Variants in DACH1 observed in about 807,000 individuals in gnomAD.
The protein encoded by DACH1 is dachshund family transcription factor 1.
DACH1 carries 12 observed loss-of-function variants against 54.2 expected under a neutral mutation model. That is an observed-to-expected ratio of 0.22 (90% confidence interval 0.14 to 0.36). The LOEUF (loss-of-function observed/expected upper bound fraction) is 0.36. DACH1 is among the 10% of genes least tolerant of loss of function. The pLI is 1.00. For synonymous variants in DACH1, 386 were observed against 366.2 expected (o/e 1.05, Z -0.62); for missense variants, 805 against 929.8 (o/e 0.87, Z 1.75).
intron 1 of DACH1, among the ~76,000 whole-genome samples, chr13:71,727,619 C>A (rs1300357941): frequency 1.3e-5 from 2 of 152,020 alleles, no homozygotes; most frequent in Non-Finnish European, 1.5e-5. Flanking sequence ...TATCAACAAT[C>A]AGCCAATAAA....
chr13:71,862,400 G>A (rs1310690883), intron 1 of DACH1, among the ~76,000 whole-genome samples: 1 of 151,944 alleles, frequency 6.6e-6, no homozygotes, highest in Non-Finnish European at 1.5e-5. Context: ...GACCTCTGTT[G>A]CAACAGCCAA....
At chr13:71,578,589 C>CT (rs1391821689) in intron 3 of DACH1, among the ~76,000 whole-genome samples, 1 of 152,082 alleles carries the variant, frequency 6.6e-6, no homozygotes, top group Non-Finnish European at 1.5e-5. Context: ...TTTTGAATAA[C>CT]TATTTAATCC....
intron 1 of DACH1, among the ~76,000 whole-genome samples, chr13:71,746,873 T>C (rs988664477): frequency 6.6e-6 from 1 of 152,174 alleles, no homozygotes; most frequent in African/African-American, 2.4e-5. Flanking sequence ...TTTTAAGATA[T>C]ACTAAAAATA....
intron 1 of DACH1, among the ~76,000 whole-genome samples, chr13:71,769,724 T>G (rs143485679): frequency 6.6e-6 from 1 of 151,840 alleles, no homozygotes; most frequent in East Asian, 1.9e-4. Flanking sequence ...CAGCATTCGT[T>G]ATTCTAATTT....
chr13:71,620,626 T>C (rs894237374), intron 3 of DACH1, among the ~76,000 whole-genome samples: 5 of 152,006 alleles, frequency 3.3e-5, no homozygotes, highest in Non-Finnish European at 7.4e-5. Context: ...TTTACATTTG[T>C]TTATTAATTT....
rs144644554 is a variant in DACH1 at position 71,777,525 on chromosome 13, A to G, written c.848+88397T>C. Among the ~76,000 whole-genome samples the G allele has an allele frequency of 8.1e-3, 1,235 of 152,214 alleles. 17 individuals carry two copies. Among genetic ancestry groups the G allele is most frequent in the African/African-American group, 0.028 (1,165 of 41,534 alleles). ...ATAAACAAGAATTGTTCTGAACTGC[A>G]TTATCCTAGCTTGCTTTTAACAATC... On this transcript the variant is annotated intron_variant, in intron 1 of 10. Coordinates refer to ENST00000613252, the MANE Select transcript of DACH1 (RefSeq NM_080759.6).
At chr13:71,825,081 T>A (rs1188581763) in intron 1 of DACH1, among the ~76,000 whole-genome samples, 1 of 152,026 alleles carries the variant, frequency 6.6e-6, no homozygotes, top group East Asian at 1.9e-4. Context: ...TTTTCACACA[T>A]ACCAAAATTG....
chr13:71,485,127 G>A (rs912112771), intron 7 of DACH1, among the ~76,000 whole-genome samples: 9 of 151,416 alleles, frequency 5.9e-5, no homozygotes, highest in Non-Finnish European at 1.3e-4. Context: ...GGTAGCTCAT[G>A]TTTGACGGTG....
At chr13:71,799,362 G>T (rs1887193603) in intron 1 of DACH1, among the ~76,000 whole-genome samples, 2 of 151,900 alleles carry the variant, frequency 1.3e-5, no homozygotes, top group African/African-American at 4.8e-5. Flanking sequence ...AATTTTCATG[G>T]CTCTTCAATT....
At chr13:71,865,775 C>A in intron 1 of DACH1, 147 bp downstream of exon 1, 5 of 1,252,282 alleles carry the variant, frequency 4.0e-6, no homozygotes, top group Non-Finnish European at 5.0e-6. Context: ...GCTGGCGAGC[C>A]CCGAGCAGGG....
intron 6 of DACH1, among the ~76,000 whole-genome samples, chr13:71,517,243 T>C (rs1881230312): frequency 6.6e-6 from 1 of 151,862 alleles, no homozygotes; most frequent in South Asian, 2.1e-4. Flanking sequence ...TATCAAATGG[T>C]TGTAAAAATC....
At chr13:71,452,603 C>T (rs982086809) in intron 10 of DACH1, among the ~76,000 whole-genome samples, 2 of 152,070 alleles carry the variant, frequency 1.3e-5, no homozygotes, top group Admixed American at 6.6e-5. Flanking sequence ...AGTATTTTTC[C>T]TGCTTAGCAA....
chr13:71,804,052 C>T (rs1211575552), intron 1 of DACH1, among the ~76,000 whole-genome samples: 1 of 152,120 alleles, frequency 6.6e-6, no homozygotes, highest in African/African-American at 2.4e-5. Context: ...GGTGTAGTGG[C>T]TCACATAGGT....
intron 1 of DACH1, among the ~76,000 whole-genome samples, chr13:71,791,798 C>G (rs924160154): frequency 6.6e-6 from 1 of 152,194 alleles, no homozygotes; most frequent in Non-Finnish European, 1.5e-5. Flanking sequence ...ATTTTGATGA[C>G]TGCCCAACTA....
At chr13:71,837,186 C>T (rs1888823763) in intron 1 of DACH1, among the ~76,000 whole-genome samples, 1 of 151,650 alleles carries the variant, frequency 6.6e-6, no homozygotes, top group Non-Finnish European at 1.5e-5. Context: ...AAATATACTT[C>T]CTCATTTGGA....
chr13:71,652,841 C>T (rs1017491031), intron 2 of DACH1, among the ~76,000 whole-genome samples: 1 of 151,994 alleles, frequency 6.6e-6, no homozygotes. Flanking sequence ...ATAGCATAAA[C>T]GTTAACTTTT....
chr13:71,577,818 A>T (rs1226077558), intron 3 of DACH1, among the ~76,000 whole-genome samples: 2 of 152,168 alleles, frequency 1.3e-5, no homozygotes, highest in Admixed American at 1.3e-4. Context: ...TTGGACAAAG[A>T]TATTCTTAGT....
intron 1 of DACH1, among the ~76,000 whole-genome samples, chr13:71,802,708 A>T (rs1887336443): frequency 6.6e-6 from 1 of 152,268 alleles, no homozygotes; most frequent in South Asian, 2.1e-4. Context: ...TTTTGTGAAT[A>T]ATGAAAACAA....
intron 3 of DACH1, among the ~76,000 whole-genome samples, chr13:71,585,176 G>A (rs527793062): frequency 1.3e-5 from 2 of 151,948 alleles, no homozygotes; most frequent in South Asian, 4.2e-4. Context: ...TCCTCATGGA[G>A]TTTATATTAA....
Sources: gnomAD v4.1 joint callset for allele counts (sites outside exome capture counted in the v4.1 genomes callset) on GRCh38, gnomAD v4.1.1 for gene constraint, MANE v1.5 for transcripts, NCBI Gene and HGNC (gene_info 2026-07-23, HGNC 2026-07-21) for gene names.